The following RNF38 variants were observed in gnomAD, a reference collection of about 807,000 sequenced individuals.
The protein encoded by RNF38 is ring finger protein 38, also known as E3 ubiquitin-protein ligase RNF38.
Under a neutral mutation model 67.2 loss-of-function variants are expected in RNF38, and 15 were observed. The ratio of observed to expected loss-of-function variants is 0.22; its 90% confidence interval spans 0.15 to 0.34. The LOEUF (loss-of-function observed/expected upper bound fraction) is 0.34. RNF38 is among the 10% of genes least tolerant of loss of function. RNF38 has a pLI of 1.00. For missense variants in RNF38, 524 were observed against 639.9 expected, an observed-to-expected ratio of 0.82 and a Z score of 1.95; for synonymous variants, 220 against 218.8, an observed-to-expected ratio of 1.01 and a Z score of -0.05.
At chr9:36,343,183 TAC>T (rs2133353540) in intron 10 of RNF38, among the ~76,000 whole-genome samples, 1 of 152,342 alleles carries the variant, frequency 6.6e-6, no homozygotes, top group African/African-American at 2.4e-5. Flanking sequence ...GTTGGTTGAA[TAC>T]AGAGGGCTTA....
chr9:36,428,630 G>C (rs1379869517), intron 1 of RNF38, among the ~76,000 whole-genome samples: 1 of 152,076 alleles, frequency 6.6e-6, no homozygotes, highest in Non-Finnish European at 1.5e-5. Context: ...TAAAGACTTT[G>C]AGTAACAGCA....
intron 1 of RNF38, among the ~76,000 whole-genome samples, chr9:36,395,352 T>A (rs1837438215): frequency 1.3e-5 from 2 of 150,800 alleles, no homozygotes; most frequent in African/African-American, 4.9e-5. Flanking sequence ...CCAGTAAAAG[T>A]GAGAGAGAGG....
chr9:36,471,755 A>G (rs1840003459), intron 1 of RNF38, among the ~76,000 whole-genome samples: 2 of 152,234 alleles, frequency 1.3e-5, no homozygotes, highest in Non-Finnish European at 2.9e-5. Flanking sequence ...TGAGTTGCAC[A>G]TAAATTTACT....
chr9:36,421,845 C>T (rs963875089), intron 2 of RNF38, among the ~76,000 whole-genome samples: 9 of 152,074 alleles, frequency 5.9e-5, no homozygotes, highest in African/African-American at 1.4e-4. Flanking sequence ...CATAGAAAGA[C>T]GTCAGGGGGC....
intron 1 of RNF38, chr9:36,487,256 C>G: frequency 2.0e-6 from 2 of 975,902 alleles, no homozygotes; most frequent in Non-Finnish European, 2.4e-6. Context: ...GGCCCCCACC[C>G]GCGGGACCGA....
chr9:36,365,916 C>T (rs1317786756), intron 4 of RNF38, among the ~76,000 whole-genome samples: 2 of 152,194 alleles, frequency 1.3e-5, no homozygotes, highest in African/African-American at 4.8e-5. Flanking sequence ...CACCCGCCTT[C>T]GGCCTCCCAA....
chr9:36,356,007 C>T (rs554986407), intron 6 of RNF38, among the ~76,000 whole-genome samples: 10 of 151,958 alleles, frequency 6.6e-5, no homozygotes, highest in Non-Finnish European at 1.3e-4. Flanking sequence ...CCACAATGCC[C>T]GGCTAATTTT....
At chr9:36,397,212 T>C (rs928225457) in intron 1 of RNF38, among the ~76,000 whole-genome samples, 1 of 151,112 alleles carries the variant, frequency 6.6e-6, no homozygotes, top group African/African-American at 2.4e-5. Flanking sequence ...ACCTCCTGGG[T>C]TCAAGCAATT....
chr9:36,435,914 C>T (rs1184421492), intron 1 of RNF38, among the ~76,000 whole-genome samples: 1 of 152,204 alleles, frequency 6.6e-6, no homozygotes, highest in Non-Finnish European at 1.5e-5. Context: ...CAGGCGTGAG[C>T]CACCGCGCCC....
chr9:36,467,266 C>G (rs1156276916), intron 1 of RNF38, among the ~76,000 whole-genome samples: 1 of 134,570 alleles, frequency 7.4e-6, no homozygotes, highest in Admixed American at 7.9e-5. Context: ...CACATATACA[C>G]ACACATACAT....
intron 2 of RNF38, among the ~76,000 whole-genome samples, chr9:36,384,329 C>G (rs1485244457): frequency 6.6e-6 from 1 of 152,198 alleles, no homozygotes; most frequent in East Asian, 1.9e-4. Flanking sequence ...TGGAGGTGTT[C>G]TGTAAACAGC....
At chr9:36,344,528 A>G (rs1451798619) in intron 10 of RNF38, among the ~76,000 whole-genome samples, 1 of 152,176 alleles carries the variant, frequency 6.6e-6, no homozygotes, top group Non-Finnish European at 1.5e-5. Flanking sequence ...AACAGCCCTA[A>G]CAGAACTTTC....
intron 1 of RNF38, among the ~76,000 whole-genome samples, chr9:36,437,368 A>G (rs1228099744): frequency 6.6e-6 from 1 of 152,216 alleles, no homozygotes; most frequent in Non-Finnish European, 1.5e-5. Context: ...AAAAATCTAC[A>G]TAGCTTGGTC....
At chr9:36,385,737 T>C (rs1201713960) in intron 2 of RNF38, among the ~76,000 whole-genome samples, 1 of 152,150 alleles carries the variant, frequency 6.6e-6, no homozygotes, top group African/African-American at 2.4e-5. Context: ...CTCAGCAAAT[T>C]GATGAGGTGC....
intron 1 of RNF38, among the ~76,000 whole-genome samples, chr9:36,476,718 G>A (rs1312625236): frequency 1.3e-5 from 2 of 151,414 alleles, no homozygotes; most frequent in Non-Finnish European, 2.9e-5. Context: ...AGTAGAAACC[G>A]GATTTCACCA....
intron 1 of RNF38, among the ~76,000 whole-genome samples, chr9:36,443,427 G>A (rs1392377056): frequency 6.6e-6 from 1 of 152,116 alleles, no homozygotes; most frequent in Non-Finnish European, 1.5e-5. Flanking sequence ...TTGCAAGAGT[G>A]AGAAAAATAT....
chr9:36,472,343 C>A lies in RNF38; in HGVS notation n.241+14965G>T, dbSNP rs527459176. 9.8e-5 allele frequency among the ~76,000 whole-genome samples: 15 copies of A among 152,310 alleles called. No individual in the cohort carries two copies. The South Asian group carries it at 3.1e-3, about 32-fold the overall frequency. ...TAGTAATTATGAAAGGCAGAGAATT[C>A]ATTTTTCCTTCCTAGGTATCCATAA... is the stretch of plus-strand genomic sequence containing the variant. On this transcript the variant is annotated intron_variant and non_coding_transcript_variant, in intron 1 of 3. Coordinates refer to the RNF38 transcript ENST00000488058.
At chr9:36,474,294 C>G (rs1407858322) in intron 1 of RNF38, among the ~76,000 whole-genome samples, 2 of 140,472 alleles carry the variant, frequency 1.4e-5, no homozygotes, top group Admixed American at 7.1e-5. Flanking sequence ...GCCTGGGCGA[C>G]AGAGCAAGAC....
intron 1 of RNF38, 106 bp downstream of exon 1, chr9:36,399,991 G>T (rs533926146): frequency 3.1e-6 from 3 of 983,480 alleles, no homozygotes; most frequent in Admixed American, 2.5e-5. Flanking sequence ...TATAATGGTG[G>T]CAATAATTAC....
Sources: allele counts gnomAD v4.1 joint callset (sites outside exome capture counted in the v4.1 genomes callset), GRCh38; gene constraint gnomAD v4.1.1; transcripts MANE v1.5; gene names NCBI Gene and HGNC (gene_info 2026-07-23, HGNC 2026-07-21).